The following RASAL2 variants were observed in gnomAD, a reference collection of about 807,000 sequenced individuals.
The protein encoded by RASAL2 is RAS protein activator like 2.
RASAL2 carries 58 observed loss-of-function variants against 128.9 expected under a neutral mutation model. The observed-to-expected ratio is 0.45, with a 90% CI of 0.36 to 0.56. The LOEUF is 0.56. Among genes scored for constraint, RASAL2 ranks in the 20% least tolerant of loss-of-function variants. The pLI, the probability that RASAL2 is intolerant of heterozygous loss-of-function variation, is 0.00. For synonymous variants in RASAL2, 561 were observed against 580.8 expected, an observed-to-expected ratio of 0.97 and a Z score of 0.49; for missense variants, 1,360 against 1,601.6, an observed-to-expected ratio of 0.85 and a Z score of 2.57.
intron 1 of RASAL2, among the ~76,000 whole-genome samples, chr1:178,170,936 C>T (rs1661685051): frequency 6.6e-6 from 1 of 151,674 alleles, no homozygotes. Flanking sequence ...TTTTATGAAG[C>T]TTTGTCTCAG....
chr1:178,436,486 G>T (rs961536100), intron 5 of RASAL2, among the ~76,000 whole-genome samples: 2 of 151,892 alleles, frequency 1.3e-5, no homozygotes, highest in Non-Finnish European at 2.9e-5. Context: ...GAAATACAGT[G>T]AAAAAATAGT....
intron 6 of RASAL2, among the ~76,000 whole-genome samples, chr1:178,439,966 TATCCATCC>T (rs554884956): frequency 3.7e-4 from 39 of 104,878 alleles, no homozygotes; most frequent in South Asian, 8.2e-4. Context: ...TTTTCTTATT[TATCCATCC>T]ATCCATCCAT....
chr1:178,274,159 G>A (rs1192564158), intron 1 of RASAL2, among the ~76,000 whole-genome samples: 1 of 152,106 alleles, frequency 6.6e-6, no homozygotes, highest in African/African-American at 2.4e-5. Flanking sequence ...AATGTAGCCT[G>A]CCTTCTTCTG....
intron 2 of RASAL2, among the ~76,000 whole-genome samples, chr1:178,295,009 A>G (rs2102250635): frequency 6.6e-6 from 1 of 152,314 alleles, no homozygotes; most frequent in East Asian, 1.9e-4. Context: ...AAATCTGTTT[A>G]AAACCTGACT....
At chr1:178,336,168 T>G (rs1275093668) in intron 3 of RASAL2, among the ~76,000 whole-genome samples, 1 of 151,472 alleles carries the variant, frequency 6.6e-6, no homozygotes, top group Non-Finnish European at 1.5e-5. Flanking sequence ...AAATCGCTGT[T>G]GTAATTTTCC....
chr1:178,473,003 T>TA, intron 17 of RASAL2, 72 bp from the exon 18 acceptor site: 1 of 1,526,970 alleles, frequency 6.5e-7, no homozygotes, highest in Non-Finnish European at 9.0e-7. Flanking sequence ...AGCACTGGAC[T>TA]AGTCATTCAG....
chr1:178,363,185 T>G (rs910254975), intron 3 of RASAL2, among the ~76,000 whole-genome samples: 56 of 152,224 alleles, frequency 3.7e-4, no homozygotes, highest in African/African-American at 1.3e-3. Context: ...TATCTCTTGT[T>G]TTTTTGATAA....
Position 178,189,605 on chromosome 1 carries a change from C to G in RASAL2, c.203-93959C>G, listed in dbSNP as rs557872583. On this transcript the variant is annotated intron_variant, in intron 1 of 17. Transcript: ENST00000367649. ...ATGGCACGAATATGTTCTACACAAC[C>G]CAATGACCTCGCAGTCTCACTGTAA... Among the ~76,000 whole-genome samples, 4 of 152,178 alleles carry G rather than the reference C, an allele frequency of 2.6e-5. No individual in the cohort carries two copies. The South Asian group carries it at 8.3e-4, about 32-fold the overall frequency.
intron 1 of RASAL2, 66 bp from the exon 2 acceptor site, chr1:178,283,498 T>C (rs878945397): frequency 1.3e-6 from 2 of 1,555,410 alleles, no homozygotes; most frequent in Non-Finnish European, 1.7e-6. Flanking sequence ...AATTTTACAT[T>C]TGAAATACTG....
chr1:178,357,718 A>C (rs1266062322), intron 3 of RASAL2, among the ~76,000 whole-genome samples: 1 of 152,172 alleles, frequency 6.6e-6, no homozygotes, highest in Non-Finnish European at 1.5e-5. Context: ...ACACATTTTT[A>C]AATTTTAGTC....
At chr1:178,253,670 C>T (rs1050218837) in intron 1 of RASAL2, among the ~76,000 whole-genome samples, 8 of 151,892 alleles carry the variant, frequency 5.3e-5, no homozygotes, top group African/African-American at 1.2e-4. Context: ...TGTTCTCTGG[C>T]GGGCATGGGT....
Position 178,465,977 on chromosome 1 carries a change from G to A in RASAL2, c.3445G>A (p.Glu1149Lys), listed in dbSNP as rs1267871493. The A allele has an allele frequency of 6.4e-7, 1 of 1,557,794 alleles. No homozygotes were observed. Among genetic ancestry groups the A allele is most frequent in the East Asian group, 2.4e-5 (1 of 41,572 alleles). Reference sequence around the variant, plus strand: ...CCTGAGAGTTTCCAGCCGGCGACTGGAGGAATATGAACGCCGCTTGCTGGT... The same window carrying A: ...CCTGAGAGTTTCCAGCCGGCGACTGAAGGAATATGAACGCCGCTTGCTGGT... ...ERLRVSSRRL[E>K]EYERRLLVQE... The change falls in exon 16 of 18, where the codon GAG becomes AAG. Residue 1149 changes from glutamate (E) to lysine (K), a missense_variant. This residue lies in a region of RASAL2 where 741 missense variants were observed against 868.6 expected (regional missense o/e 0.85). Transcript: ENST00000367649.
chr1:178,439,563 C>A lies in RASAL2; in HGVS notation c.816C>A (p.Asp272Glu). 2.5e-6 allele frequency: 4 copies of A among 1,609,026 alleles called. No homozygotes were observed. The highest frequency in any genetic ancestry group is 2.5e-6 in the Non-Finnish European group (3 of 1,178,216). ...TTCATAGTAGCATCCTTGGACAAGA[C>A]TTCTGCTTTGAGGTAAAAATAAAGT... Reference protein sequence around the residue: ...KPLHSSILGQDFCFEVTYLSG... With the variant: ...KPLHSSILGQEFCFEVTYLSG... Residue 272 changes from aspartate to glutamate, a missense_variant, in exon 6 of 18, where the codon GAC becomes GAA. Transcript: ENST00000367649.
chr1:178,428,654 A>G lies in RASAL2; in HGVS notation c.674+8034A>G, dbSNP rs148558563. 8.4e-4 allele frequency among the ~76,000 whole-genome samples: 127 copies of G among 152,056 alleles called. 1 individual carries two copies. The highest frequency in any genetic ancestry group is 2.9e-3 in the African/African-American group (120 of 41,502). ...GCTCAGGCTAGCGTGCAGTGGTGCC[A>G]TCATAGCTCACTGTAACCTTGAACT... On this transcript the variant is annotated intron_variant, in intron 5 of 17. Coordinates refer to ENST00000367649, the MANE Select transcript of RASAL2 (RefSeq NM_170692.4).
intron 2 of RASAL2, among the ~76,000 whole-genome samples, chr1:178,296,830 G>A (rs1474991089): frequency 6.6e-6 from 1 of 151,816 alleles, no homozygotes; most frequent in Non-Finnish European, 1.5e-5. Flanking sequence ...GCCCCACCAT[G>A]TCCAACTGAT....
chr1:178,312,183 A>G (rs1238033920), intron 3 of RASAL2, among the ~76,000 whole-genome samples: 2 of 152,136 alleles, frequency 1.3e-5, no homozygotes, highest in Non-Finnish European at 2.9e-5. Flanking sequence ...ATTTCCCACC[A>G]CTGAAAGATA....
At chr1:178,288,469 T>A (rs1439788972) in intron 2 of RASAL2, among the ~76,000 whole-genome samples, 1 of 151,900 alleles carries the variant, frequency 6.6e-6, no homozygotes, top group African/African-American at 2.4e-5. Flanking sequence ...TTTACTTTTT[T>A]AACTGTGATT....
chr1:178,382,816 T>TTCA (rs1185228291), intron 3 of RASAL2, among the ~76,000 whole-genome samples: 1 of 152,218 alleles, frequency 6.6e-6, no homozygotes, highest in Non-Finnish European at 1.5e-5. Flanking sequence ...TTGTTATGTT[T>TTCA]TCATCATCAT....
chr1:178,135,317 T>C (rs1660278252), intron 1 of RASAL2, among the ~76,000 whole-genome samples: 2 of 152,186 alleles, frequency 1.3e-5, no homozygotes, highest in South Asian at 4.1e-4. Context: ...ATGGAGCTTA[T>C]GTTGAGAAAT....
Sources: allele counts gnomAD v4.1 joint callset (sites outside exome capture counted in the v4.1 genomes callset), GRCh38; gene constraint gnomAD v4.1.1; regional missense constraint gnomAD v4.1.1; transcripts MANE v1.5; gene names NCBI Gene and HGNC (gene_info 2026-07-23, HGNC 2026-07-21).